The following SHC1 variants were observed in gnomAD, a reference collection of about 807,000 sequenced individuals.
SHC1 encodes SHC adaptor protein 1.
SHC1 carries 30 observed loss-of-function variants against 55.9 expected under a neutral mutation model. That is an observed-to-expected ratio of 0.54 (90% confidence interval 0.40 to 0.73). The LOEUF is 0.73. SHC1 is among the 30% of genes least tolerant of loss of function. The pLI, the probability that SHC1 is intolerant of heterozygous loss-of-function variation, is 0.00. For missense variants in SHC1, 675 were observed against 777.1 expected (o/e 0.87, Z 1.56); for synonymous variants, 309 against 306.1 (o/e 1.01, Z -0.10).
Position 154,966,383 on chromosome 1 carries a change from G to T in SHC1, c.1118C>A (p.Ala373Asp). 2.5e-6 allele frequency: 4 copies of T among 1,614,166 alleles called. No homozygotes were observed. The highest frequency in any genetic ancestry group is 2.5e-6 in the Non-Finnish European group (3 of 1,180,012). ...TGCAGTGGGTCGAGCAGCCCCTGGAGCGGCTCCTTCCCGAAGCCTCATGTC... is the reference window on the plus strand; with the variant it reads ...TGCAGTGGGTCGAGCAGCCCCTGGATCGGCTCCTTCCCGAAGCCTCATGTC... ...VVDMRLREGAAPGAARPTAPN... is the reference protein window; with the variant it reads ...VVDMRLREGADPGAARPTAPN... The change falls in exon 8 of 12, where the codon GCT becomes GAT. Residue 373 changes from alanine (A) to aspartate (D), a missense_variant. Ala to Asp is a moderately radical substitution (Grantham distance 126, BLOSUM62 -2). Transcript: ENST00000448116.
In SHC1 at chr1:154,965,652, T is replaced by C. The variant is rs141502949; in HGVS notation, c.1517A>G (p.Asn506Ser). Residue 506 changes from asparagine (N) to serine (S), a missense_variant, in exon 11 of 12, where the codon AAT (asparagine) becomes AGT (serine). Asn to Ser is a conservative substitution (Grantham distance 46). Transcript: ENST00000448116. ...RREAEALLQL[N>S]GDFLVRESTT... ...GCTCTCCCGTACCAGGAAGTCCCCA[T>C]TGAGCTGCAGCAGTGCCTCAGCCTC... The C allele has an allele frequency of 1.1e-5, 17 of 1,614,162 alleles. 1 individual carries two copies. The Middle Eastern group carries it at 6.6e-4, about 63-fold the overall frequency.
chr1:154,965,683 G>A lies in SHC1; in HGVS notation c.1486C>T (p.Arg496Trp), dbSNP rs1655866803. 4 of 1,614,168 alleles carry A rather than the reference G, an allele frequency of 2.5e-6. No homozygotes were observed. Among genetic ancestry groups the A allele is most frequent in the Non-Finnish European group, 3.4e-6 (4 of 1,180,030 alleles). ...TGCAGCAGTGCCTCAGCCTCCCGCC[G>A]GCTCAGCTTCCCATGGAACCAGGGC... ...GEPWFHGKLS[R>W]REAEALLQLN... The change falls in exon 11 of 12, where the codon CGG (arginine) becomes TGG (tryptophan). Residue 496 changes from arginine (R) to tryptophan (W), a missense_variant. Physicochemically the swap from Arg to Trp is moderately radical, Grantham distance 101 (BLOSUM62 -3). Around this residue, in one of 3 missense-constraint regions of SHC1, gnomAD observed 360 missense variants for 371.1 expected, o/e 0.97. Transcript: ENST00000448116.
chr1:154,965,704 A>T lies in SHC1; in HGVS notation c.1465T>A (p.Trp489Arg). 1 of 1,614,164 alleles carries T rather than the reference A, an allele frequency of 6.2e-7. No homozygotes were observed. The highest frequency in any genetic ancestry group is 2.2e-5 in the East Asian group (1 of 44,880). The stretch of plus-strand genomic sequence containing the variant: ...CGCCGGCTCAGCTTCCCATGGAACC[A>T]GGGCTCCCCTCGGAGCTGCTCAGCC... ...SMAEQLRGEP[W>R]FHGKLSRREA... The change falls in exon 11 of 12, where the codon TGG becomes AGG. Residue 489 changes from tryptophan (W) to arginine (R), a missense_variant. Trp to Arg is a moderately radical substitution (Grantham distance 101, BLOSUM62 -3). Coordinates refer to ENST00000448116, the MANE Select transcript of SHC1 (RefSeq NM_001130040.2).
chr1:154,967,867 T>C lies in SHC1; in HGVS notation c.857-70A>G, dbSNP rs900160093. On this transcript the variant is annotated intron_variant, in intron 6 of 11. Coordinates refer to ENST00000448116, the MANE Select transcript of SHC1 (RefSeq NM_001130040.2). ...GGAGGCACAGACAGGGGCCCTCATC[T>C]TCCTCTGCAGGAACCCCCACTGAGA... 5.0e-6 allele frequency: 8 copies of C among 1,605,796 alleles called. No homozygotes were observed. In the African/African-American group the frequency reaches 1.1e-4, roughly 21 times the overall value.
chr1:154,966,062 T>A lies in SHC1; in HGVS notation c.1271A>T (p.Asp424Val), dbSNP rs754479978. Residue 424 changes from aspartate to valine, a missense_variant, in exon 10 of 12, where the codon GAT becomes GTT. Physicochemically the swap from Asp to Val is radical, Grantham distance 152 (BLOSUM62 -3). Transcript: ENST00000448116. Reference sequence around the variant, plus strand: ...CTGGACGTTGACATAGGAGGGATCATCAAAAAGCTCTCTGCCTGCTGAGGA... The same window carrying A: ...CTGGACGTTGACATAGGAGGGATCAACAAAAAGCTCTCTGCCTGCTGAGGA... The part of the protein sequence containing the change: ...PPCPAGRELF[D>V]DPSYVNVQNL... The A allele has an allele frequency of 6.2e-7, 1 of 1,613,936 alleles. No individual in the cohort carries two copies. The highest frequency in any genetic ancestry group is 1.1e-5 in the South Asian group (1 of 91,070).
Position 154,963,393 on chromosome 1 carries a change from G to T in SHC1, c.*410C>A, listed in dbSNP as rs932816694. The T allele has an allele frequency of 6.0e-6, 1 of 167,656 alleles. No homozygotes were observed. The highest frequency in any genetic ancestry group is 1.3e-5 in the Non-Finnish European group (1 of 76,386). 10.4% of individuals were successfully genotyped at this position (167,656 alleles called of 1,614,324 possible). On this transcript the variant is annotated 3_prime_UTR_variant, in exon 12 of 12. Transcript: ENST00000448116. The stretch of plus-strand genomic sequence containing the variant: ...AGGCACAAAGTTTAAACATGGGGGG[G>T]GCGGGTGTTGAGAGGGGTCTGGGAT...
chr1:154,967,601 T>C (rs957608097), intron 7 of SHC1, 70 bp downstream of exon 7: 18 of 1,533,974 alleles, frequency 1.2e-5, no homozygotes, highest in Admixed American at 8.8e-5. Context: ...TCAACTCAAG[T>C]GTAGGAAGAG....
At position 154,965,679 on chromosome 1, in the gene SHC1, C is replaced by T. The variant is rs747961559; in HGVS notation, c.1490G>A (p.Arg497Gln). 34 of 1,614,186 alleles carry T rather than the reference C, an allele frequency of 2.1e-5. No individual in the cohort carries two copies. Among genetic ancestry groups the T allele is most frequent in the South Asian group, 2.1e-4 (19 of 91,080 alleles). Residue 497 changes from arginine to glutamine, a missense_variant, in exon 11 of 12, where the codon CGG becomes CAG. Physicochemically the swap from Arg to Gln is conservative, Grantham distance 43 (BLOSUM62 1). Coordinates refer to ENST00000448116, the MANE Select transcript of SHC1 (RefSeq NM_001130040.2). ...GAGCTGCAGCAGTGCCTCAGCCTCC[C>T]GCCGGCTCAGCTTCCCATGGAACCA... is the stretch of plus-strand genomic sequence containing the variant. ...EPWFHGKLSRREAEALLQLNG... is the reference protein window; with the variant it reads ...EPWFHGKLSRQEAEALLQLNG...
chr1:154,968,581 T>C lies in SHC1; in HGVS notation c.664A>G (p.Arg222Gly). The C allele has an allele frequency of 6.2e-7, 1 of 1,614,012 alleles. No homozygotes were observed. The highest frequency in any genetic ancestry group is 1.1e-5 in the South Asian group (1 of 91,082). The change falls in exon 4 of 12, where the codon AGG becomes GGG. Residue 222 changes from arginine to glycine, a missense_variant. Transcript: ENST00000448116. ...CSRPLSSILGRSNLKFAGMPI... is the reference protein window; with the variant it reads ...CSRPLSSILGGSNLKFAGMPI... Reference sequence around the variant, plus strand: ...ATTCCAGCAAATTTCAGGTTACTCCTCCCCAGGATAGAGCTGAGCGGGCGG... The same window carrying C: ...ATTCCAGCAAATTTCAGGTTACTCCCCCCCAGGATAGAGCTGAGCGGGCGG...
chr1:154,969,496 A>G (rs779780663), intron 1 of SHC1, 48 bp from the exon 2 acceptor site: 1 of 1,309,416 alleles, frequency 7.6e-7, no homozygotes, highest in Admixed American at 1.7e-5. Context: ...CCCCCACCCC[A>G]GCCCCTTCAC....
chr1:154,966,838 C>T (rs920636369), intron 7 of SHC1, among the ~76,000 whole-genome samples: 7 of 152,212 alleles, frequency 4.6e-5, no homozygotes, highest in Non-Finnish European at 7.4e-5. Flanking sequence ...TGCAATGGCT[C>T]ACGCCTATAA....
chr1:154,966,157 C>T lies in SHC1; in HGVS notation c.1252+5G>A, dbSNP rs1343927004. 2 of 1,614,176 alleles carry T rather than the reference C, an allele frequency of 1.2e-6. No individual in the cohort carries two copies. The highest frequency in any genetic ancestry group is 1.1e-5 in the South Asian group (1 of 91,088). On this transcript the variant is annotated splice_donor_5th_base_variant and intron_variant, in intron 9 of 11. Coordinates refer to ENST00000448116, the MANE Select transcript of SHC1 (RefSeq NM_001130040.2). The stretch of plus-strand genomic sequence containing the variant: ...CAGCTCTGCCTATCTCGGCTCCCTT[C>T]ATACCTGGACAGGGTGGTGGAGGTG...
At chr1:154,965,900 C>T in intron 10 of SHC1, 46 bp downstream of exon 10, 1 of 1,588,690 alleles carries the variant, frequency 6.3e-7, no homozygotes. Flanking sequence ...GGGCCAGAAC[C>T]AAGTAGAAAG....
chr1:154,963,387 G>A lies in SHC1; in HGVS notation c.*416C>T, dbSNP rs908183206. On this transcript the variant is annotated 3_prime_UTR_variant, in exon 12 of 12. Coordinates refer to ENST00000448116, the MANE Select transcript of SHC1 (RefSeq NM_001130040.2). ...GGTCAAAGGCACAAAGTTTAAACAT[G>A]GGGGGGGCGGGTGTTGAGAGGGGTC... 6.0e-6 allele frequency: 1 copy of A among 165,930 alleles called. No homozygotes were observed. The highest frequency in any genetic ancestry group is 2.4e-5 in the African/African-American group (1 of 41,752). 10.3% of individuals were successfully genotyped at this position (165,930 alleles called of 1,614,324 possible).
intron 11 of SHC1, 119 bp from the exon 12 acceptor site, chr1:154,964,050 G>A (rs1439330670): frequency 5.9e-6 from 6 of 1,017,536 alleles, no homozygotes; most frequent in African/African-American, 3.2e-5. Flanking sequence ...AAAATGGTGG[G>A]GGAGAGTGTG....
At position 154,963,070 on chromosome 1, in the gene SHC1, A is replaced by C. The variant is rs1020624505; in HGVS notation, c.*733T>G. ...GCAACATGGGAGGGCAGGCCTTATG[A>C]AATGTATATACAGACCCCTTGGGGT... On this transcript the variant is annotated 3_prime_UTR_variant, in exon 12 of 12. Transcript: ENST00000448116. The C allele has an allele frequency of 6.5e-6, 1 of 152,814 alleles. No individual in the cohort carries two copies. The highest frequency in any genetic ancestry group is 2.4e-5 in the African/African-American group (1 of 41,454). The allele number at this position is 152,814 out of a possible 1,614,324, so 9.5% of individuals were successfully genotyped here.
upstream of SHC1, among the ~76,000 whole-genome samples, chr1:154,971,682 G>T (rs1447657325): frequency 1.3e-5 from 2 of 152,206 alleles, no homozygotes; most frequent in Non-Finnish European, 2.9e-5. Context: ...CACCAGGGAA[G>T]GAGCCTGGCT....
upstream of SHC1, chr1:154,970,802 G>A: frequency 2.9e-6 from 1 of 342,032 alleles, no homozygotes; most frequent in Non-Finnish European, 5.4e-6. This position sits in a 1 kb window ranked among gnomAD's most constrained non-coding sequence, Gnocchi z 5.5. Context: ...CCAGGGGCGG[G>A]GAGCTAAGGG....
chr1:154,966,566 G>A (rs1380570375), intron 7 of SHC1, 49 bp from the exon 8 acceptor site: 1 of 1,315,054 alleles, frequency 7.6e-7, no homozygotes. Context: ...TGGTGGGCAG[G>A]AGGAGGGAAG....
Sources: gnomAD v4.1 joint callset for allele counts (sites outside exome capture counted in the v4.1 genomes callset) on GRCh38, gnomAD v4.1.1 for gene constraint, gnomAD v4.1.1 regional missense constraint, Gnocchi (gnomAD v3.1) non-coding constraint, MANE v1.5 for transcripts, NCBI Gene and HGNC (gene_info 2026-07-23, HGNC 2026-07-21) for gene names.